The following TRAK1 variants were observed in gnomAD, a reference collection of about 807,000 sequenced individuals.
The protein encoded by TRAK1 is trafficking kinesin-binding protein 1.
TRAK1 carries 33 observed loss-of-function variants against 92.1 expected under a neutral mutation model. The observed-to-expected ratio is 0.36, with a 90% CI of 0.27 to 0.48. The LOEUF (loss-of-function observed/expected upper bound fraction) is 0.48. Among genes scored for constraint, TRAK1 ranks in the 20% least tolerant of loss-of-function variants. The pLI is 0.99. For synonymous variants in TRAK1, 521 were observed against 517.3 expected, an observed-to-expected ratio of 1.01 and a Z score of -0.10; for missense variants, 1,123 against 1,257.9, an observed-to-expected ratio of 0.89 and a Z score of 1.62.
rs1017830413 is a variant in TRAK1 at position 42,013,988 on chromosome 3, C to T, written c.-648C>T. The T allele has an allele frequency of 1.3e-5, 2 of 150,726 alleles. No individual in the cohort carries two copies. Among genetic ancestry groups the T allele is most frequent in the African/African-American group, 4.8e-5 (2 of 41,242 alleles). 9.3% of individuals were successfully genotyped at this position (150,726 alleles called of 1,614,324 possible). On this transcript the variant is annotated 5_prime_UTR_variant, in exon 1 of 17. Transcript: ENST00000487159. The surrounding 1 kb of genome is among the most constrained non-coding windows in gnomAD (Gnocchi z 5.1). ...CGCGAGTGCCCCCGTGCCGCCCGGC[C>T]GGCTGCAGCGGAGGGAACCGAAGCC...
At position 42,193,220 on chromosome 3, in the gene TRAK1, T is replaced by C; in HGVS notation, c.900+15T>C. 1.2e-6 allele frequency: 2 copies of C among 1,613,474 alleles called. No individual in the cohort carries two copies. The highest frequency in any genetic ancestry group is 1.7e-6 in the Non-Finnish European group (2 of 1,179,662). On this transcript the variant is annotated intron_variant, in intron 8 of 15. Coordinates refer to ENST00000327628, the MANE Select transcript of TRAK1 (RefSeq NM_001042646.3). ...AGGCAAAAGCTGTAAGGCTTCTCTG[T>C]TTATCTGGCTGATACAACAATGGCC... is the stretch of plus-strand genomic sequence containing the variant.
intron 1 of TRAK1, among the ~76,000 whole-genome samples, chr3:42,023,991 G>GT (rs1701826603): frequency 6.6e-6 from 1 of 152,092 alleles, no homozygotes; most frequent in Admixed American, 6.5e-5. Context: ...CTGACCTCAG[G>GT]TGATTCGCCC....
chr3:42,117,158 G>A (rs540790698), intron 1 of TRAK1, among the ~76,000 whole-genome samples: 20 of 152,168 alleles, frequency 1.3e-4, no homozygotes, highest in East Asian at 7.7e-4. Flanking sequence ...TGCTCTCACC[G>A]CTCAGAGAAA....
intron 2 of TRAK1, among the ~76,000 whole-genome samples, chr3:42,149,989 G>T (rs998321718): frequency 6.6e-6 from 1 of 152,164 alleles, no homozygotes; most frequent in East Asian, 1.9e-4. Context: ...GAAACTGGGG[G>T]CTTGGAATAG....
intron 2 of TRAK1, among the ~76,000 whole-genome samples, chr3:42,158,961 A>AAAAAATAAT (rs1256749725): frequency 3.6e-5 from 5 of 140,172 alleles, no homozygotes; most frequent in African/African-American, 1.3e-4. Context: ...TCTGTCTCAA[A>AAAAAATAAT]AATAATAATA....
intron 1 of TRAK1, among the ~76,000 whole-genome samples, chr3:42,029,700 C>T (rs1479633136): frequency 2.0e-5 from 3 of 152,030 alleles, no homozygotes; most frequent in Admixed American, 2.0e-4. Flanking sequence ...CAGGTGCGTG[C>T]CACCATGCCT....
At chr3:42,194,349 G>A (rs1706276043) in intron 9 of TRAK1, among the ~76,000 whole-genome samples, 1 of 151,854 alleles carries the variant, frequency 6.6e-6, no homozygotes, top group South Asian at 2.1e-4. Context: ...AGGCTCAGGT[G>A]ATCCTCCTGA....
At chr3:42,170,395 A>G (rs899449215) in intron 2 of TRAK1, among the ~76,000 whole-genome samples, 3 of 152,168 alleles carry the variant, frequency 2.0e-5, no homozygotes, top group African/African-American at 7.2e-5. Flanking sequence ...CAGTGCAGAC[A>G]GTAAGTGCTT....
In TRAK1 at chr3:42,030,692, ATATATATATATATAT is replaced by A. The variant is rs1702102883; in HGVS notation, c.-519+16576_-519+16590del. 2.1e-3 allele frequency among the ~76,000 whole-genome samples: 20 copies of A among 9,596 alleles called. 1 individual carries two copies. The highest frequency in any genetic ancestry group is 4.0e-3 in the Non-Finnish European group (18 of 4,484). 6.3% of individuals were successfully genotyped at this position (9,596 alleles called of 152,430 possible). ...CATCTCAAAAAAAAAAAAAAAGAAT[ATATATATATATATAT>A]ATATATATATATATATATATATATA... On this transcript the variant is annotated intron_variant, in intron 1 of 16. Coordinates refer to the TRAK1 transcript ENST00000487159.
At chr3:42,193,585 G>A (rs1706140922) in intron 8 of TRAK1, among the ~76,000 whole-genome samples, 1 of 152,124 alleles carries the variant, frequency 6.6e-6, no homozygotes, top group Non-Finnish European at 1.5e-5. Context: ...CTATTAGTGT[G>A]GGGTAAAATG....
At chr3:42,088,841 T>G (rs1387034336), upstream of TRAK1, among the ~76,000 whole-genome samples, 1 of 152,232 alleles carries the variant, frequency 6.6e-6, no homozygotes, top group Non-Finnish European at 1.5e-5. Context: ...CTCCCAAGCC[T>G]GGGAACGTTG....
upstream of TRAK1, among the ~76,000 whole-genome samples, chr3:42,085,629 T>C (rs1704636513): frequency 6.6e-6 from 1 of 152,232 alleles, no homozygotes; most frequent in Non-Finnish European, 1.5e-5. Flanking sequence ...TCTACCATGT[T>C]GGGGGAAATG....
chr3:42,203,121 G>A, intron 13 of TRAK1: 1 of 1,228,656 alleles, frequency 8.1e-7, no homozygotes, highest in Non-Finnish European at 1.0e-6. Flanking sequence ...TGGGTGTGAG[G>A]AATGCAGAAA....
intron 3 of TRAK1, among the ~76,000 whole-genome samples, chr3:42,182,754 G>A (rs1261123221): frequency 2.6e-5 from 4 of 152,188 alleles, no homozygotes; most frequent in South Asian, 2.1e-4. Context: ...CAAGTGCTGC[G>A]CTCATACTGC....
At chr3:42,115,906 G>A (rs190961871) in intron 1 of TRAK1, among the ~76,000 whole-genome samples, 2 of 152,300 alleles carry the variant, frequency 1.3e-5, no homozygotes, top group Admixed American at 1.3e-4. Flanking sequence ...CTTCCCCCAT[G>A]TCTCTGAACC....
At chr3:42,051,926 T>C (rs2148914594) in intron 1 of TRAK1, among the ~76,000 whole-genome samples, 1 of 152,336 alleles carries the variant, frequency 6.6e-6, no homozygotes, top group East Asian at 1.9e-4. Flanking sequence ...CTTAAACTTA[T>C]TCCTCTTTGA....
chr3:42,066,802 G>A (rs1703700497), intron 1 of TRAK1, among the ~76,000 whole-genome samples: 1 of 152,120 alleles, frequency 6.6e-6, no homozygotes, highest in African/African-American at 2.4e-5. Context: ...ATGACTGTTT[G>A]GACCCGTTTC....
At chr3:42,192,154 G>T (rs1192174209) in intron 7 of TRAK1, among the ~76,000 whole-genome samples, 1 of 151,958 alleles carries the variant, frequency 6.6e-6, no homozygotes, top group African/African-American at 2.4e-5. Flanking sequence ...CACCTGCCTT[G>T]GCCTCCCAAA....
intron 12 of TRAK1, 100 bp downstream of exon 12, chr3:42,201,154 A>G (rs964102321): frequency 1.5e-6 from 2 of 1,307,042 alleles, no homozygotes; most frequent in Non-Finnish European, 2.2e-6. Context: ...GGTAGATGAG[A>G]GTCACCTGAA....
Sources: gnomAD v4.1 joint callset for allele counts (sites outside exome capture counted in the v4.1 genomes callset) on GRCh38, gnomAD v4.1.1 for gene constraint, Gnocchi (gnomAD v3.1) non-coding constraint, MANE v1.5 for transcripts, NCBI Gene and HGNC (gene_info 2026-07-23, HGNC 2026-07-21) for gene names.